HMBOX1: variants seen among roughly 807,000 people sequenced by gnomAD.
The protein encoded by HMBOX1 is homeobox containing 1.
HMBOX1 carries 14 observed loss-of-function variants against 54.5 expected under a neutral mutation model. The ratio of observed to expected loss-of-function variants is 0.26; its 90% CI spans 0.17 to 0.40. HMBOX1 has a LOEUF of 0.40. HMBOX1 is among the 10% of genes least tolerant of loss of function. The pLI is 1.00. For missense variants in HMBOX1, 332 were observed against 514.4 expected, an observed-to-expected ratio of 0.65 and a Z score of 3.43; for synonymous variants, 160 against 181.0, an observed-to-expected ratio of 0.88 and a Z score of 0.93.
intron 4 of HMBOX1, among the ~76,000 whole-genome samples, chr8:29,005,122 T>C (rs1833251769): frequency 6.6e-6 from 1 of 152,246 alleles, no homozygotes; most frequent in African/African-American, 2.4e-5. Flanking sequence ...TAACACCATC[T>C]TCTTCCTTTG....
chr8:29,009,665 A>G (rs1297999111), intron 5 of HMBOX1: 7 of 1,281,814 alleles, frequency 5.5e-6, no homozygotes, highest in Non-Finnish European at 7.1e-6. Context: ...TGGGTAATGG[A>G]TGTATCTTTG....
intron 1 of HMBOX1, among the ~76,000 whole-genome samples, chr8:28,911,376 T>C (rs577503070): frequency 1.3e-5 from 2 of 152,138 alleles, no homozygotes; most frequent in African/African-American, 2.4e-5. Flanking sequence ...CTTGACTTTT[T>C]TTGAAGTCTC....
At chr8:29,022,556 C>CATGTATTGG (rs2133053336) in intron 6 of HMBOX1, among the ~76,000 whole-genome samples, 1 of 152,202 alleles carries the variant, frequency 6.6e-6, no homozygotes, top group South Asian at 2.1e-4. Flanking sequence ...ATAGCACATC[C>CATGTATTGG]ATGTATTGGA....
rs1162477676 is a variant in HMBOX1 at position 28,960,765 on chromosome 8, C to CTTTTTTT, written c.-57-3013_-57-3007dup. On this transcript the variant is annotated intron_variant, in intron 1 of 9. Coordinates refer to ENST00000287701, the MANE Select transcript of HMBOX1 (RefSeq NM_001135726.3). ...TTATTCTCTTTTTCTTTTTCTTTTT[C>CTTTTTTT]TTTTTTTTTTTTTTTTTTTTTTTTT... Among the ~76,000 whole-genome samples, 69 of 16,076 alleles carry CTTTTTTT rather than the reference C, an allele frequency of 4.3e-3. 1 individual carries two copies. The highest frequency in any genetic ancestry group is 0.012 in the South Asian group (3 of 250). The allele number at this position is 16,076 out of a possible 152,430, so 10.5% of individuals were successfully genotyped here.
chr8:28,967,500 T>C (rs893328726), intron 2 of HMBOX1, among the ~76,000 whole-genome samples: 39 of 152,330 alleles, frequency 2.6e-4, no homozygotes, highest in Non-Finnish European at 1.6e-4. Flanking sequence ...AGAGTGCTGC[T>C]CCATACAAGG....
intron 5 of HMBOX1, chr8:29,009,442 C>A: frequency 1.0e-6 from 1 of 981,662 alleles, no homozygotes; most frequent in Non-Finnish European, 1.2e-6. Flanking sequence ...TATTTCTAGC[C>A]ATAGTTTGAA....
chr8:28,901,231 C>T (rs1424339616), intron 1 of HMBOX1, among the ~76,000 whole-genome samples: 1 of 152,014 alleles, frequency 6.6e-6, no homozygotes, highest in Non-Finnish European at 1.5e-5. Context: ...CCCTTTCTGG[C>T]TAATTTATTT....
chr8:28,945,128 T>C (rs1043416162), intron 1 of HMBOX1, among the ~76,000 whole-genome samples: 6 of 152,242 alleles, frequency 3.9e-5, no homozygotes, highest in African/African-American at 1.4e-4. Context: ...CCTAAAGATA[T>C]GATAGCTTTT....
rs560159940 is a variant in HMBOX1, at chr8:29,034,705, A to G, written c.852-10656A>G. ...ACCCTGTCTCTACTAAAAATACAGA[A>G]AAATAGCCAGGCATGGTGGTGCATG... On this transcript the variant is annotated intron_variant, in intron 6 of 9. Transcript: ENST00000287701. Among the ~76,000 whole-genome samples the G allele has an allele frequency of 8.5e-4, 129 of 152,276 alleles. 1 individual carries two copies. Among genetic ancestry groups the G allele is most frequent in the Non-Finnish European group, 1.4e-3 (98 of 68,014 alleles).
intron 4 of HMBOX1, among the ~76,000 whole-genome samples, chr8:28,996,185 A>G (rs920355444): frequency 6.6e-6 from 1 of 152,044 alleles, no homozygotes; most frequent in Non-Finnish European, 1.5e-5. Flanking sequence ...AGAGTTCTTT[A>G]TATAGGTTTA....
At chr8:28,986,728 C>T (rs773049075) in intron 4 of HMBOX1, among the ~76,000 whole-genome samples, 1 of 152,158 alleles carries the variant, frequency 6.6e-6, no homozygotes, top group Non-Finnish European at 1.5e-5. Context: ...GTTTTGCAGC[C>T]TCAGGGGAAT....
chr8:29,008,404 A>T (rs1359922373), intron 4 of HMBOX1, among the ~76,000 whole-genome samples: 1 of 152,178 alleles, frequency 6.6e-6, no homozygotes, highest in African/African-American at 2.4e-5. Flanking sequence ...TATTCTGTTC[A>T]GTTTTGTGGA....
intron 1 of HMBOX1, among the ~76,000 whole-genome samples, chr8:28,947,078 GT>G (rs1046275821): frequency 7.9e-5 from 12 of 152,270 alleles, no homozygotes; most frequent in African/African-American, 2.9e-4. Context: ...TGTAGCCCAG[GT>G]TTTTAAAGAC....
intron 1 of HMBOX1, among the ~76,000 whole-genome samples, chr8:28,951,259 A>G (rs202246752): frequency 6.6e-6 from 1 of 152,148 alleles, no homozygotes; most frequent in Admixed American, 6.5e-5. Flanking sequence ...CAGCCTCCCA[A>G]GTAGCTGGAA....
At chr8:28,964,244 C>T (rs1217825011) in intron 2 of HMBOX1, among the ~76,000 whole-genome samples, 2 of 152,032 alleles carry the variant, frequency 1.3e-5, no homozygotes, top group Non-Finnish European at 2.9e-5. Context: ...ATATTAGATT[C>T]CTTGTGACAA....
chr8:29,009,966 A>G, intron 5 of HMBOX1: 1 of 1,046,812 alleles, frequency 9.6e-7, no homozygotes, highest in African/African-American at 1.7e-5. Context: ...CTTTGCACAC[A>G]GACTAAAACA....
intron 1 of HMBOX1, among the ~76,000 whole-genome samples, chr8:28,931,593 G>A (rs751848938): frequency 6.6e-6 from 1 of 152,006 alleles, no homozygotes; most frequent in Non-Finnish European, 1.5e-5. Context: ...TCAGGCTGGC[G>A]TGCAGTGTTA....
intron 3 of HMBOX1, among the ~76,000 whole-genome samples, chr8:28,976,245 A>G (rs1828345713): frequency 6.6e-6 from 1 of 152,206 alleles, no homozygotes. Flanking sequence ...TCATAAAATA[A>G]TAGTCAATGT....
intron 1 of HMBOX1, among the ~76,000 whole-genome samples, chr8:28,941,814 G>A (rs1374272217): frequency 1.3e-5 from 2 of 152,032 alleles, no homozygotes; most frequent in African/African-American, 2.4e-5. Flanking sequence ...TATTTTTGTC[G>A]ATTGATTGCT....
Sources: allele counts gnomAD v4.1 joint callset (sites outside exome capture counted in the v4.1 genomes callset), GRCh38; gene constraint gnomAD v4.1.1; transcripts MANE v1.5; gene names NCBI Gene and HGNC (gene_info 2026-07-23, HGNC 2026-07-21).